Variants in YTHDF3 observed in about 807,000 individuals in gnomAD.
YTHDF3 encodes the protein YTH domain-containing family protein 3.
A neutral mutation model predicts 52.5 loss-of-function variants in YTHDF3; 9 were observed. That is an observed-to-expected ratio of 0.17 (90% CI 0.10 to 0.30). YTHDF3 has a LOEUF of 0.30. Ranked by LOEUF, YTHDF3 falls within the 10% of genes least tolerant of loss-of-function variation. The pLI, the probability that YTHDF3 is intolerant of heterozygous loss-of-function variation, is 1.00. For synonymous variants in YTHDF3, 274 were observed against 243.3 expected (o/e 1.13, Z -1.18); for missense variants, 534 against 715.0 (o/e 0.75, Z 2.89).
chr8:63,199,039 G>A (rs1206088354), intron 4 of YTHDF3, among the ~76,000 whole-genome samples: 1 of 152,062 alleles, frequency 6.6e-6, no homozygotes, highest in Non-Finnish European at 1.5e-5. Context: ...CAAGATGATT[G>A]AGTTTTTACT....
At chr8:63,196,843 T>G (rs989912544) in intron 4 of YTHDF3, among the ~76,000 whole-genome samples, 1 of 152,176 alleles carries the variant, frequency 6.6e-6, no homozygotes, top group African/African-American at 2.4e-5. Flanking sequence ...AGCCACGTAC[T>G]GTTCATGAAA....
At chr8:63,179,987 C>T (rs1307745140) in intron 3 of YTHDF3, among the ~76,000 whole-genome samples, 5 of 150,700 alleles carry the variant, frequency 3.3e-5, no homozygotes, top group Non-Finnish European at 5.9e-5. Context: ...ATCCCCCCAC[C>T]TCCCTCCCGG....
At chr8:63,196,455 G>C (rs1290851150) in intron 4 of YTHDF3, among the ~76,000 whole-genome samples, 2 of 151,632 alleles carry the variant, frequency 1.3e-5, no homozygotes, top group Admixed American at 6.6e-5. Context: ...CCAGCTCCTC[G>C]GGAGGCTGAG....
chr8:63,194,419 A>G (rs1371152626), intron 4 of YTHDF3, among the ~76,000 whole-genome samples: 1 of 152,226 alleles, frequency 6.6e-6, no homozygotes, highest in Non-Finnish European at 1.5e-5. Context: ...CGGTAGGCAG[A>G]GGTTGCAGTG....
In YTHDF3 at chr8:63,210,962, G is replaced by GC. The variant is rs1387360046; in HGVS notation, c.*1260dup. On this transcript the variant is annotated 3_prime_UTR_variant, in exon 5 of 5. Transcript: ENST00000539294. ...CATAAGGTTATGAAAATAATGTACT[G>GC]CCCCATGTATTACTGTTCCAAAAGG... 1.3e-5 allele frequency: 2 copies of GC among 152,478 alleles called. No homozygotes were observed. Among genetic ancestry groups the GC allele is most frequent in the Non-Finnish European group, 2.9e-5 (2 of 67,960 alleles). The allele number at this position is 152,478 out of a possible 1,614,324, so 9.4% of individuals were successfully genotyped here.
intron 4 of YTHDF3, among the ~76,000 whole-genome samples, chr8:63,191,281 T>C (rs1808897134): frequency 6.6e-6 from 1 of 152,186 alleles, no homozygotes; most frequent in Non-Finnish European, 1.5e-5. Context: ...TGTCAACAAA[T>C]ATGTTGAATC....
chr8:63,187,433 T>C lies in YTHDF3; in HGVS notation c.1422T>C (p.Cys474=). 1 of 1,614,040 alleles carries C rather than the reference T, an allele frequency of 6.2e-7. No homozygotes were observed. Among genetic ancestry groups the C allele is most frequent in the Non-Finnish European group, 8.5e-7 (1 of 1,179,880 alleles). Residue 474 remains cysteine, a synonymous_variant, in exon 4 of 5, where the codon TGT becomes TGC. Transcript: ENST00000539294. ...GTGTGAATGGCAGTGGACATTTTTG[T>C]GGAGTGGCTGAAATGAAGTCTGTTG... ...LFSVNGSGHF[C]GVAEMKSVVD...
intron 3 of YTHDF3, among the ~76,000 whole-genome samples, chr8:63,181,729 T>G (rs1020968504): frequency 2.6e-5 from 4 of 152,186 alleles, no homozygotes; most frequent in Admixed American, 2.6e-4. Context: ...TGTGAAGTGC[T>G]CCCAGTTGGA....
chr8:63,189,746 G>C (rs917479950), intron 4 of YTHDF3, among the ~76,000 whole-genome samples: 1 of 152,200 alleles, frequency 6.6e-6, no homozygotes, highest in African/African-American at 2.4e-5. Context: ...TGGTATATTT[G>C]ATAAAGGAAC....
rs1810351928 is a variant in YTHDF3 at position 63,211,194 on chromosome 8, T to G, written c.*1488T>G. 2 of 152,258 alleles carry G rather than the reference T, an allele frequency of 1.3e-5. No individual in the cohort carries two copies. Among genetic ancestry groups the G allele is most frequent in the Non-Finnish European group, 2.9e-5 (2 of 67,906 alleles). The allele number at this position is 152,258 out of a possible 1,614,324, so 9.4% of individuals were successfully genotyped here. A position where few individuals can be genotyped will look rare whatever the true frequency, so the allele number is the denominator to read the frequency against. ...TTATATAATTTTATTTTGTACAATGTTTTTTTTAAATGTGCAAATACTGTA... is the reference window on the plus strand; with the variant it reads ...TTATATAATTTTATTTTGTACAATGGTTTTTTTAAATGTGCAAATACTGTA... On this transcript the variant is annotated 3_prime_UTR_variant, in exon 5 of 5. Coordinates refer to ENST00000539294, the MANE Select transcript of YTHDF3 (RefSeq NM_152758.6).
At chr8:63,169,051 G>A (rs1807089524) in intron 1 of YTHDF3, 150 bp downstream of exon 1, 4 of 1,424,574 alleles carry the variant, frequency 2.8e-6, no homozygotes, top group Non-Finnish European at 2.7e-6. Flanking sequence ...ACCCGGGCCG[G>A]GGCGTGCGCC....
At chr8:63,193,374 C>CACA (rs1809033942) in intron 4 of YTHDF3, among the ~76,000 whole-genome samples, 1 of 54,104 alleles carries the variant, frequency 1.8e-5, no homozygotes, top group African/African-American at 5.7e-5. Context: ...AGACTCCGTC[C>CACA]AAAAAAAAAA....
At chr8:63,177,759 AT>A (rs748461151) in intron 3 of YTHDF3, among the ~76,000 whole-genome samples, 2,875 of 140,244 alleles carry the variant, frequency 0.021, 27 homozygotes, top group Non-Finnish European at 0.029. Context: ...TCAAACTCTT[AT>A]TTTTTTTTTT....
At chr8:63,206,987 C>T (rs1044188804) in intron 4 of YTHDF3, among the ~76,000 whole-genome samples, 1 of 152,038 alleles carries the variant, frequency 6.6e-6, no homozygotes, top group African/African-American at 2.4e-5. Flanking sequence ...AAATATGTAC[C>T]TTGTAATTAT....
chr8:63,170,374 G>A (rs1227731984), intron 2 of YTHDF3, among the ~76,000 whole-genome samples: 1 of 152,124 alleles, frequency 6.6e-6, no homozygotes, highest in Non-Finnish European at 1.5e-5. Context: ...CAAATTTGGT[G>A]AATTTAATAG....
intron 4 of YTHDF3, among the ~76,000 whole-genome samples, chr8:63,196,417 C>T (rs997493443): frequency 1.3e-5 from 2 of 151,530 alleles, no homozygotes; most frequent in African/African-American, 4.8e-5. Context: ...CAAAAATTAG[C>T]GAGGCGTGCT....
intron 4 of YTHDF3, among the ~76,000 whole-genome samples, chr8:63,190,393 T>C (rs1232522415): frequency 6.6e-6 from 1 of 152,212 alleles, no homozygotes; most frequent in Non-Finnish European, 1.5e-5. Context: ...TTCAGGAAAT[T>C]TTTAATGACA....
intron 4 of YTHDF3, among the ~76,000 whole-genome samples, chr8:63,199,955 A>G (rs967074099): frequency 6.6e-6 from 1 of 152,114 alleles, no homozygotes; most frequent in Non-Finnish European, 1.5e-5. Flanking sequence ...ACGACTGTCT[A>G]ATAGATTTCT....
At chr8:63,184,213 A>G (rs1808350979) in intron 3 of YTHDF3, among the ~76,000 whole-genome samples, 2 of 152,260 alleles carry the variant, frequency 1.3e-5, no homozygotes, top group African/African-American at 4.8e-5. Context: ...AAAAACCAAC[A>G]TAGTCTGTCA....
Sources: gnomAD v4.1 joint callset for allele counts (sites outside exome capture counted in the v4.1 genomes callset) on GRCh38, gnomAD v4.1.1 for gene constraint, MANE v1.5 for transcripts, NCBI Gene and HGNC (gene_info 2026-07-23, HGNC 2026-07-21) for gene names.